The following PYGB variants were observed in gnomAD, a reference collection of about 807,000 sequenced individuals.
PYGB encodes the protein glycogen phosphorylase B, also known as glycogen phosphorylase, brain form.
A neutral mutation model predicts 94.3 loss-of-function variants in PYGB; 82 were observed. That is an observed-to-expected ratio of 0.87 (90% confidence interval 0.73 to 1.04). The LOEUF is 1.04. Ranked by LOEUF, PYGB falls within the 50% of genes least tolerant of loss-of-function variation. The probability of loss-of-function intolerance (pLI) is 0.00; values close to 1 mark genes in which losing one functional copy is unlikely to be tolerated. For missense variants in PYGB, 1,132 were observed against 1,158.2 expected (o/e 0.98, Z 0.33); for synonymous variants, 488 against 479.1 (o/e 1.02, Z -0.24).
In PYGB at chr20:25,294,112, C is replaced by A. The variant is rs200164184; in HGVS notation, c.2178-46C>A. ...CAACATGGCTTGTTCTCCAAGGTGGCCCACCTGGGGCGCTGGCTGCTGACT... is the reference window on the plus strand; with the variant it reads ...CAACATGGCTTGTTCTCCAAGGTGGACCACCTGGGGCGCTGGCTGCTGACT... On this transcript the variant is annotated intron_variant, in intron 17 of 19. Transcript: ENST00000216962. The A allele has an allele frequency of 3.7e-6, 6 of 1,600,576 alleles. No homozygotes were observed. In the South Asian group the frequency reaches 4.5e-5, roughly 12 times the overall value.
At chr20:25,265,363 T>A (rs1052304348) in intron 2 of PYGB, among the ~76,000 whole-genome samples, 6 of 152,190 alleles carry the variant, frequency 3.9e-5, no homozygotes, top group Non-Finnish European at 8.8e-5. Flanking sequence ...ACACAAGAGT[T>A]CCAGTTTCTC....
chr20:25,287,243 C>T (rs924599391), intron 14 of PYGB, among the ~76,000 whole-genome samples: 1 of 152,256 alleles, frequency 6.6e-6, no homozygotes, highest in African/African-American at 2.4e-5. Flanking sequence ...CCCAGTGAGG[C>T]AGAGGGGAGA....
intron 12 of PYGB, among the ~76,000 whole-genome samples, chr20:25,282,757 G>A (rs1263293916): frequency 6.6e-6 from 1 of 152,230 alleles, no homozygotes; most frequent in Non-Finnish European, 1.5e-5. Context: ...ACAGTGAGGA[G>A]AGGTGGCCGA....
Position 25,295,523 on chromosome 20 carries a change from C to T in PYGB, c.2313-81C>T, listed in dbSNP as rs928814112. On this transcript the variant is annotated intron_variant, in intron 18 of 19. Coordinates refer to ENST00000216962, the MANE Select transcript of PYGB (RefSeq NM_002862.4). ...GGACCAGGTGGATGGTGCCTGGCCT[C>T]CTGCCCTGGGACTCTCCCCTCGGGA... The T allele has an allele frequency of 8.7e-6, 13 of 1,489,938 alleles. No homozygotes were observed. The Admixed American group carries it at 1.8e-4, about 21-fold the overall frequency. The allele number at this position is 1,489,938 out of a possible 1,614,324, so 92.3% of individuals were successfully genotyped here.
chr20:25,284,678 TG>T (rs1332720643), intron 14 of PYGB, among the ~76,000 whole-genome samples: 3 of 152,328 alleles, frequency 2.0e-5, no homozygotes, highest in East Asian at 3.9e-4. Context: ...TACCCACTTC[TG>T]CCTCCCAAAA....
intron 14 of PYGB, 199 bp from the exon 15 acceptor site, chr20:25,288,226 G>A (rs776817424): frequency 5.6e-6 from 4 of 712,424 alleles, no homozygotes; most frequent in Non-Finnish European, 7.6e-6. Context: ...TCACTCCCTT[G>A]TAAGTGGCAG....
In PYGB at chr20:25,290,606, G is replaced by A. The variant is rs765170831; in HGVS notation, c.1953G>A (p.Val651=). Residue 651 remains valine (V), a synonymous_variant, in exon 16 of 20, where the codon GTG becomes GTA. Coordinates refer to ENST00000216962, the MANE Select transcript of PYGB (RefSeq NM_002862.4). ...TGATCTTCCTGGAGAACTACCGTGT[G>A]TCCTTGGCTGAGAAAGGTAACCCTG... ...LKVIFLENYR[V]SLAEKVIPAA... is the part of the protein sequence containing the mutation. 2.9e-5 allele frequency: 47 copies of A among 1,599,594 alleles called. No individual in the cohort carries two copies. The East Asian group carries it at 1.0e-3, about 34-fold the overall frequency.
At chr20:25,281,913 C>A in intron 11 of PYGB, 120 bp from the exon 12 acceptor site, 1 of 857,972 alleles carries the variant, frequency 1.2e-6, no homozygotes, top group Non-Finnish European at 1.9e-6. Context: ...CCTTAGAAAA[C>A]AGAACAGAAC....
In PYGB at chr20:25,296,618, C is replaced by A; in HGVS notation, c.*96C>A. The A allele has an allele frequency of 6.9e-7, 1 of 1,453,822 alleles. No individual in the cohort carries two copies. Among genetic ancestry groups the A allele is most frequent in the Non-Finnish European group, 9.2e-7 (1 of 1,083,130 alleles). The allele number at this position is 1,453,822 out of a possible 1,614,324, so 90.1% of individuals were successfully genotyped here. A position where few individuals can be genotyped will look rare whatever the true frequency, so the allele number is the denominator to read the frequency against. ...AACACTTTGCCAGCCACTGGTGGTC[C>A]CTGCTTTTCTGAGTACCATGTTTCC... On this transcript the variant is annotated 3_prime_UTR_variant, in exon 20 of 20. Transcript: ENST00000216962.
At position 25,292,495 on chromosome 20, in the gene PYGB, GC is replaced by G. The variant is rs1568699777; in HGVS notation, c.2062del (p.Leu688SerfsTer52). The G allele has an allele frequency of 6.2e-7, 1 of 1,613,684 alleles. No homozygotes were observed. Among genetic ancestry groups the G allele is most frequent in the South Asian group, 1.1e-5 (1 of 91,086 alleles). On this transcript the variant is annotated frameshift_variant, in exon 17 of 20. Coordinates refer to ENST00000216962, the MANE Select transcript of PYGB (RefSeq NM_002862.4). LOFTEE classifies it high-confidence loss of function. The part of the protein sequence containing the change: ...TGNMKFMLNG[A>X]LTIGTMDGAN... ...CAACATGAAGTTCATGCTCAACGGG[GC>G]CCTCACCATCGGCACCATGGACGGC...
chr20:25,264,395 A>G (rs960019315), intron 2 of PYGB, among the ~76,000 whole-genome samples: 3 of 152,188 alleles, frequency 2.0e-5, no homozygotes, highest in African/African-American at 4.8e-5. Flanking sequence ...CACTACTCCT[A>G]TTCAACATAG....
At chr20:25,294,374 T>G in intron 18 of PYGB, 82 bp downstream of exon 18, 3 of 1,471,634 alleles carry the variant, frequency 2.0e-6, no homozygotes. Context: ...TATTCCACCT[T>G]GTTTGGAGAG....
At chr20:25,262,492 AG>A (rs1285879291) in intron 2 of PYGB, among the ~76,000 whole-genome samples, 1 of 152,252 alleles carries the variant, frequency 6.6e-6, no homozygotes, top group Non-Finnish European at 1.5e-5. Flanking sequence ...AAACATGGAA[AG>A]GAACAGCCGG....
chr20:25,268,649 AT>A (rs1568687800), intron 2 of PYGB, among the ~76,000 whole-genome samples: 1 of 152,250 alleles, frequency 6.6e-6, no homozygotes, highest in Admixed American at 6.5e-5. Context: ...ATATTTATCC[AT>A]ATGCCATAAT....
chr20:25,288,056 A>G, intron 14 of PYGB: 1 of 386,232 alleles, frequency 2.6e-6, no homozygotes, highest in Non-Finnish European at 5.0e-6. Context: ...ACCAGACCCA[A>G]GGAGGCTCCT....
chr20:25,267,758 T>C (rs1178825481), intron 2 of PYGB, among the ~76,000 whole-genome samples: 1 of 152,192 alleles, frequency 6.6e-6, no homozygotes, highest in East Asian at 1.9e-4. Context: ...CTTGAACTTC[T>C]AAGCTCAAAC....
chr20:25,292,374 C>T (rs1462839356), intron 16 of PYGB, 32 bp from the exon 17 acceptor site: 2 of 1,608,660 alleles, frequency 1.2e-6, no homozygotes, highest in South Asian at 1.1e-5. Context: ...GGGGTCCTCA[C>T]AGTGATCCCC....
intron 13 of PYGB, 65 bp downstream of exon 13, chr20:25,283,342 C>A: frequency 7.1e-7 from 1 of 1,413,080 alleles, no homozygotes; most frequent in East Asian, 2.4e-5. Flanking sequence ...TAGGCCCTGG[C>A]CCTAGCCCTC....
intron 2 of PYGB, among the ~76,000 whole-genome samples, chr20:25,260,868 G>A (rs1045136672): frequency 6.6e-6 from 1 of 152,216 alleles, no homozygotes; most frequent in Non-Finnish European, 1.5e-5. Flanking sequence ...CGCCCACGGA[G>A]CCTCACTCAT....
Sources: allele counts gnomAD v4.1 joint callset (sites outside exome capture counted in the v4.1 genomes callset), GRCh38; gene constraint gnomAD v4.1.1; transcripts MANE v1.5; gene names NCBI Gene and HGNC (gene_info 2026-07-23, HGNC 2026-07-21).